The following ALKBH1 variants were observed in gnomAD, a reference collection of about 807,000 sequenced individuals.
ALKBH1 encodes the protein alkB homolog 1, histone H2A dioxygenase.
ALKBH1 carries 31 observed loss-of-function variants against 36.6 expected under a neutral mutation model. That is an observed-to-expected ratio of 0.85 (90% confidence interval 0.64 to 1.14). The LOEUF is 1.14. ALKBH1 is among the 50% of genes most tolerant of loss of function. The pLI is 0.00. For missense variants in ALKBH1, 490 were observed against 497.3 expected (o/e 0.99, Z 0.14); for synonymous variants, 183 against 186.6 (o/e 0.98, Z 0.16).
intron 3 of ALKBH1, among the ~76,000 whole-genome samples, chr14:77,688,553 CTT>C (rs11395756): frequency 9.1e-4 from 114 of 125,924 alleles, no homozygotes; most frequent in Non-Finnish European, 1.1e-3. Flanking sequence ...TGCACCCAGC[CTT>C]TTTTTTTTTT....
At chr14:77,700,351 T>C (rs1188295031) in intron 2 of ALKBH1, among the ~76,000 whole-genome samples, 1 of 152,204 alleles carries the variant, frequency 6.6e-6, no homozygotes, top group African/African-American at 2.4e-5. Context: ...CTCATTGCAG[T>C]TGATTAATCC....
intron 3 of ALKBH1, among the ~76,000 whole-genome samples, chr14:77,689,815 G>A (rs1477117777): frequency 2.0e-5 from 3 of 151,962 alleles, no homozygotes; most frequent in East Asian, 3.9e-4. Flanking sequence ...ATAAAGCTAA[G>A]TTGTTATTTG....
chr14:77,705,022 T>C (rs1349133228), intron 1 of ALKBH1, among the ~76,000 whole-genome samples: 2 of 152,252 alleles, frequency 1.3e-5, no homozygotes, highest in Non-Finnish European at 2.9e-5. Context: ...CAAAGCTATT[T>C]ACTTCAGTTA....
chr14:77,704,557 T>C, intron 1 of ALKBH1, 80 bp from the exon 2 acceptor site: 1 of 1,020,004 alleles, frequency 9.8e-7, no homozygotes, highest in Non-Finnish European at 1.5e-6. Context: ...TCCAAACACA[T>C]TTCTTGTATG....
intron 2 of ALKBH1, among the ~76,000 whole-genome samples, chr14:77,702,286 G>A (rs149817285): frequency 0.01 from 1,544 of 152,266 alleles, 84 homozygotes; most frequent in Admixed American, 0.079. Flanking sequence ...AGGCGACAGA[G>A]CAAGACTCTG....
chr14:77,707,935 G>A lies in ALKBH1; in HGVS notation c.70C>T (p.Arg24Trp). 1.2e-6 allele frequency: 2 copies of A among 1,613,272 alleles called. No homozygotes were observed. The highest frequency in any genetic ancestry group is 1.7e-4 in the Middle Eastern group (1 of 6,060). Residue 24 changes from arginine (R) to tryptophan (W), a missense_variant, in exon 1 of 6, where the codon CGG becomes TGG. Coordinates refer to ENST00000216489, the MANE Select transcript of ALKBH1 (RefSeq NM_006020.3). ...TGACGGTAGAAGCGGAAAAGTTTCC[G>A]AAAGGCGTCCTCCCCGGGCTCAGTC... ...LATEPGEDAF[R>W]KLFRFYRQSR...
Position 77,673,543 on chromosome 14 carries a change from GT to G in ALKBH1, c.*268del. The G allele has an allele frequency of 4.7e-6, 2 of 423,902 alleles. No homozygotes were observed. Among genetic ancestry groups the G allele is most frequent in the South Asian group, 7.2e-5 (2 of 27,652 alleles). 26.3% of individuals were successfully genotyped at this position (423,902 alleles called of 1,614,324 possible). A position where few individuals can be genotyped will look rare whatever the true frequency, so the allele number is the denominator to read the frequency against. Reference sequence around the variant, plus strand: ...GGAAATAGCAGAGGCTGAGAAGGCTGTTGTGGAAGAACATACCTCCTTGGAC... The same window carrying G: ...GGAAATAGCAGAGGCTGAGAAGGCTGTGTGGAAGAACATACCTCCTTGGAC... On this transcript the variant is annotated 3_prime_UTR_variant, in exon 6 of 6. Transcript: ENST00000216489.
chr14:77,701,668 T>C (rs2139865283), intron 2 of ALKBH1, among the ~76,000 whole-genome samples: 1 of 152,252 alleles, frequency 6.6e-6, no homozygotes, highest in East Asian at 1.9e-4. Flanking sequence ...GTAAACACAA[T>C]CCTTTTGATC....
In ALKBH1 at chr14:77,688,683, C is replaced by T. The variant is rs964208769; in HGVS notation, c.455+6055G>A. Among the ~76,000 whole-genome samples, 62 of 151,636 alleles carry T rather than the reference C, an allele frequency of 4.1e-4. 1 individual carries two copies. The highest frequency in any genetic ancestry group is 2.3e-3 in the Admixed American group (35 of 15,206). On this transcript the variant is annotated intron_variant, in intron 3 of 5. Coordinates refer to ENST00000216489, the MANE Select transcript of ALKBH1 (RefSeq NM_006020.3). ...TTCTCCCACGTTCAAGCGATTCTCT[C>T]ACCTCAGCTTCCCTAGTAGCTGGGA...
At chr14:77,698,974 T>C (rs957445981) in intron 2 of ALKBH1, among the ~76,000 whole-genome samples, 31 of 152,360 alleles carry the variant, frequency 2.0e-4, no homozygotes, top group African/African-American at 6.0e-4. Flanking sequence ...CATTTTGCCA[T>C]GTTGGCCAGG....
intron 3 of ALKBH1, 144 bp downstream of exon 3, chr14:77,694,594 T>C (rs2080316521): frequency 7.4e-6 from 4 of 537,026 alleles, no homozygotes; most frequent in Non-Finnish European, 9.3e-6. Context: ...AAGAATACAA[T>C]TGTGCTGTTT....
At chr14:77,677,248 C>T (rs185558623) in intron 4 of ALKBH1, among the ~76,000 whole-genome samples, 1 of 152,170 alleles carries the variant, frequency 6.6e-6, no homozygotes, top group East Asian at 1.9e-4. Context: ...CCATGTTGGC[C>T]AGGGTGGTCT....
At chr14:77,695,870 G>A (rs1169436577) in intron 2 of ALKBH1, among the ~76,000 whole-genome samples, 1 of 152,100 alleles carries the variant, frequency 6.6e-6, no homozygotes, top group Non-Finnish European at 1.5e-5. Context: ...TGAGGTGGGC[G>A]GATCACATGA....
chr14:77,701,037 G>A (rs1271135841), intron 2 of ALKBH1, among the ~76,000 whole-genome samples: 1 of 152,196 alleles, frequency 6.6e-6, no homozygotes, highest in Non-Finnish European at 1.5e-5. Context: ...CAGGGCTGCA[G>A]TGAAGCGTGA....
At chr14:77,692,413 G>T (rs2080302204) in intron 3 of ALKBH1, among the ~76,000 whole-genome samples, 1 of 144,818 alleles carries the variant, frequency 6.9e-6, no homozygotes, top group Non-Finnish European at 1.5e-5. Context: ...GGTGGTTTGG[G>T]GATGAAAACT....
chr14:77,684,238 C>T (rs191308672), intron 3 of ALKBH1, among the ~76,000 whole-genome samples: 3 of 152,294 alleles, frequency 2.0e-5, no homozygotes, highest in Admixed American at 2.0e-4. Flanking sequence ...CTAGTAAGTT[C>T]CCAAATGATA....
At chr14:77,688,002 C>G (rs949467535) in intron 3 of ALKBH1, among the ~76,000 whole-genome samples, 1 of 152,088 alleles carries the variant, frequency 6.6e-6, no homozygotes, top group African/African-American at 2.4e-5. Context: ...ACCTGGATAC[C>G]CTACAGGCAT....
At chr14:77,699,977 C>T (rs2080350381) in intron 2 of ALKBH1, among the ~76,000 whole-genome samples, 1 of 152,034 alleles carries the variant, frequency 6.6e-6, no homozygotes, top group African/African-American at 2.4e-5. Flanking sequence ...ATGGCATGAA[C>T]CCGGGAGGTG....
intron 3 of ALKBH1, among the ~76,000 whole-genome samples, chr14:77,680,179 C>T (rs1228622784): frequency 3.9e-5 from 6 of 152,104 alleles, no homozygotes; most frequent in Non-Finnish European, 5.9e-5. Flanking sequence ...ATCCTTTGTT[C>T]TAAATCCTCT....
Sources: gnomAD v4.1 joint callset for allele counts (sites outside exome capture counted in the v4.1 genomes callset) on GRCh38, gnomAD v4.1.1 for gene constraint, MANE v1.5 for transcripts, NCBI Gene and HGNC (gene_info 2026-07-23, HGNC 2026-07-21) for gene names.